The following GAK variants were observed in gnomAD, a reference collection of about 807,000 sequenced individuals.
GAK encodes cyclin-G-associated kinase.
In GAK, 79 loss-of-function variants were observed where a neutral mutation model predicts 143.9. That is an observed-to-expected ratio of 0.55 (90% CI 0.46 to 0.66). The LOEUF (loss-of-function observed/expected upper bound fraction) is 0.66, where lower values mean the gene tolerates loss of function less well. Ranked by LOEUF, GAK falls within the 30% of genes least tolerant of loss-of-function variation. The pLI is 0.00. For synonymous variants in GAK, 881 were observed against 765.5 expected, an observed-to-expected ratio of 1.15 and a Z score of -2.49; for missense variants, 1,693 against 1,779.7, an observed-to-expected ratio of 0.95 and a Z score of 0.88.
intron 16 of GAK, 151 bp from the exon 17 acceptor site, chr4:877,358 TAA>T (rs1714157213): frequency 1.5e-5 from 10 of 673,392 alleles, no homozygotes; most frequent in Non-Finnish European, 2.3e-5. Flanking sequence ...ACAAGAATTC[TAA>T]AGTCTCCTGG....
In GAK at chr4:908,497, T is replaced by C. The variant is rs141112594; in HGVS notation, c.382+3176A>G. On this transcript the variant is annotated intron_variant, in intron 4 of 27. Coordinates refer to ENST00000314167, the MANE Select transcript of GAK (RefSeq NM_005255.4). ...GGGCAACACAGCAAGACACCATCTC[T>C]ACAAAAAATACAAAACTTAGCCAGG... Among the ~76,000 whole-genome samples, 192 of 152,246 alleles carry C rather than the reference T, an allele frequency of 1.3e-3. No homozygotes were observed. In the Middle Eastern group the frequency reaches 0.024, roughly 19 times the overall value.
chr4:856,592 G>C (rs1291063808), intron 24 of GAK, among the ~76,000 whole-genome samples: 3,630 of 108,200 alleles, frequency 0.034, 81 homozygotes, highest in East Asian at 0.11. Context: ...ACCACCACAG[G>C]TGCTCACAGC....
chr4:879,855 C>G (rs1013096409), intron 15 of GAK, among the ~76,000 whole-genome samples: 1 of 152,228 alleles, frequency 6.6e-6, no homozygotes, highest in African/African-American at 2.4e-5. Context: ...CGCTTTCTCT[C>G]TGTGATTCAG....
intron 12 of GAK, 87 bp downstream of exon 12, chr4:883,950 C>G: frequency 7.8e-7 from 1 of 1,281,810 alleles, no homozygotes; most frequent in Non-Finnish European, 1.1e-6. Flanking sequence ...GGAGCAGAGG[C>G]ACCTGTGCCC....
intron 3 of GAK, chr4:912,167 G>C: frequency 2.2e-6 from 1 of 459,130 alleles, no homozygotes. Context: ...CTCTCCGAGT[G>C]AACAGAGCTA....
chr4:879,487 CG>C (rs1714660055), intron 15 of GAK, among the ~76,000 whole-genome samples: 1 of 141,342 alleles, frequency 7.1e-6, no homozygotes. Context: ...ATTACAGCAC[CG>C]AAGAAAAACC....
chr4:923,066 G>A (rs1457368634), intron 1 of GAK, among the ~76,000 whole-genome samples: 1 of 152,194 alleles, frequency 6.6e-6, no homozygotes, highest in Non-Finnish European at 1.5e-5. Context: ...AAGACTAGAG[G>A]TTTCCAGAGG....
intron 1 of GAK, among the ~76,000 whole-genome samples, chr4:920,318 A>AC (rs1723707704): frequency 6.6e-6 from 1 of 151,716 alleles, no homozygotes; most frequent in African/African-American, 2.4e-5. Flanking sequence ...AAAAAAAAAA[A>AC]AACAAAAAAC....
At chr4:909,735 G>A (rs963622955) in intron 4 of GAK, among the ~76,000 whole-genome samples, 5 of 152,224 alleles carry the variant, frequency 3.3e-5, no homozygotes, top group African/African-American at 9.6e-5. Flanking sequence ...GAAAGCCGCC[G>A]TGGGACACGC....
rs777601344 is a variant in GAK, at chr4:877,243, C to T, written c.1857-36G>A. On this transcript the variant is annotated intron_variant, in intron 16 of 27. Transcript: ENST00000314167. ...AATGACAAGAGAAAAATTTTAAAAA[C>T]CCCCAAAACCAACCAAACAAAAACA... The T allele has an allele frequency of 1.3e-5, 19 of 1,409,418 alleles. No homozygotes were observed. The African/African-American group carries it at 2.3e-4, about 17-fold the overall frequency. The allele number at this position is 1,409,418 out of a possible 1,614,324, so 87.3% of individuals were successfully genotyped here.
At position 866,980 on chromosome 4, in the gene GAK, G is replaced by C. The variant is rs140439488; in HGVS notation, c.2848C>G (p.Pro950Ala). The C allele has an allele frequency of 5.8e-5, 86 of 1,493,642 alleles. 4 individuals are homozygous for C. The South Asian group carries it at 6.0e-4, about 10-fold the overall frequency. 92.5% of individuals were successfully genotyped at this position (1,493,642 alleles called of 1,614,324 possible). A position where few individuals can be genotyped will look rare whatever the true frequency, so the allele number is the denominator to read the frequency against. The change falls in exon 21 of 28, where the codon CCA (proline) becomes GCA (alanine). Residue 950 changes from proline to alanine, a missense_variant. Physicochemically the swap from Pro to Ala is conservative, Grantham distance 27 (BLOSUM62 -1). Around this residue, in one of 2 missense-constraint regions of GAK, gnomAD observed 822 missense variants for 788.7 expected, o/e 1.04. Coordinates refer to ENST00000314167, the MANE Select transcript of GAK (RefSeq NM_005255.4). ...CCAGCGGCAGGGGGCCCTCCTCTTG[G>C]GGTGCTCTGCACGCTCAGGGGAGGG... ...PAPPLSVQST[P>A]RGGPPAAADP...
At chr4:893,847 C>T in intron 8 of GAK, 27 bp downstream of exon 8, 1 of 1,557,518 alleles carries the variant, frequency 6.4e-7, no homozygotes, top group Non-Finnish European at 8.7e-7. Flanking sequence ...GGGTCCTGCC[C>T]CACGCACGCA....
intron 4 of GAK, among the ~76,000 whole-genome samples, chr4:910,028 G>A (rs1286284142): frequency 6.6e-6 from 1 of 152,058 alleles, no homozygotes; most frequent in African/African-American, 2.4e-5. Flanking sequence ...GCCGCAGAGG[G>A]GCCTGGGCCA....
intron 11 of GAK, chr4:888,117 T>C (rs1328458615): frequency 2.0e-5 from 3 of 152,268 alleles, no homozygotes; most frequent in African/African-American, 4.8e-5. Context: ...TCGCCAGCTG[T>C]GGAAGGAACG....
intron 3 of GAK, 171 bp downstream of exon 3, chr4:912,564 C>T: frequency 1.8e-6 from 1 of 546,376 alleles, no homozygotes; most frequent in Non-Finnish European, 3.3e-6. Context: ...GAAAAAACTG[C>T]TTCTTCCTAG....
chr4:888,820 T>C (rs745842828), intron 11 of GAK, 27 bp downstream of exon 11: 2 of 1,586,526 alleles, frequency 1.3e-6, no homozygotes, highest in Non-Finnish European at 1.7e-6. Flanking sequence ...GTGCGGCAGG[T>C]CCAGGGCTCT....
intron 21 of GAK, 33 bp downstream of exon 21, chr4:866,923 G>T: frequency 7.1e-7 from 1 of 1,412,198 alleles, no homozygotes; most frequent in Non-Finnish European, 9.5e-7. Flanking sequence ...CATCTACTGT[G>T]AAGCCACTCG....
intron 4 of GAK, among the ~76,000 whole-genome samples, chr4:908,148 G>A (rs1338587349): frequency 6.6e-6 from 1 of 152,166 alleles, no homozygotes; most frequent in African/African-American, 2.4e-5. Flanking sequence ...GACAAACGAG[G>A]GAGATAATCA....
intron 19 of GAK, among the ~76,000 whole-genome samples, chr4:870,173 G>A (rs897041294): frequency 2.6e-5 from 4 of 152,182 alleles, no homozygotes; most frequent in South Asian, 2.1e-4. Context: ...TTTCAGGGAC[G>A]CTGAAGATGC....
Sources: gnomAD v4.1 joint callset for allele counts (sites outside exome capture counted in the v4.1 genomes callset) on GRCh38, gnomAD v4.1.1 for gene constraint, gnomAD v4.1.1 regional missense constraint, MANE v1.5 for transcripts, NCBI Gene and HGNC (gene_info 2026-07-23, HGNC 2026-07-21) for gene names.